Variants in CMTM7 observed in about 807,000 individuals in gnomAD.
The protein encoded by CMTM7 is CKLF-like MARVEL transmembrane domain-containing protein 7.
A neutral mutation model predicts 19.3 loss-of-function variants in CMTM7; 7 were observed. That is an observed-to-expected ratio of 0.36 (90% CI 0.21 to 0.68). CMTM7 has a LOEUF of 0.68. CMTM7 is among the 30% of genes least tolerant of loss of function. CMTM7 has a pLI of 0.60. For synonymous variants in CMTM7, 87 were observed against 99.3 expected, an observed-to-expected ratio of 0.88 and a Z score of 0.74; for missense variants, 193 against 232.6, an observed-to-expected ratio of 0.83 and a Z score of 1.11.
chr3:32,395,256 C>T (rs757716757), intron 1 of CMTM7, among the ~76,000 whole-genome samples: 1 of 152,146 alleles, frequency 6.6e-6, no homozygotes, highest in African/African-American at 2.4e-5. Flanking sequence ...CTGTCCACCT[C>T]GGCCTCCCCA....
Position 32,402,729 on chromosome 3 carries a change from G to A in CMTM7, c.159+10664G>A, listed in dbSNP as rs938384751. On this transcript the variant is annotated intron_variant, in intron 1 of 4. Transcript: ENST00000334983. ...TTACAGGCTCCCGCTACTGCGCCCG[G>A]CTAACTTTTGTATTTTTACTAGAGA... Among the ~76,000 whole-genome samples the A allele has an allele frequency of 4.6e-5, 7 of 152,120 alleles. No individual in the cohort carries two copies. In the South Asian group the frequency reaches 1.5e-3, roughly 32 times the overall value.
At chr3:32,414,024 C>A (rs1696220751) in intron 1 of CMTM7, among the ~76,000 whole-genome samples, 1 of 152,170 alleles carries the variant, frequency 6.6e-6, no homozygotes, top group Admixed American at 6.5e-5. Context: ...CTTGCTTCAA[C>A]AGAGAAAACT....
At chr3:32,429,601 A>ATTTTT (rs1336943258) in intron 1 of CMTM7, among the ~76,000 whole-genome samples, 1 of 126,684 alleles carries the variant, frequency 7.9e-6, no homozygotes, top group Non-Finnish European at 1.7e-5. Context: ...GGAGCAGTGT[A>ATTTTT]TTTTTTTTTT....
intron 1 of CMTM7, among the ~76,000 whole-genome samples, chr3:32,399,177 A>G (rs1191736790): frequency 2.6e-5 from 4 of 152,010 alleles, no homozygotes; most frequent in East Asian, 1.9e-4. Context: ...GCAAAGCATC[A>G]TATCAACTCA....
At chr3:32,403,313 C>A (rs1696037448) in intron 1 of CMTM7, among the ~76,000 whole-genome samples, 1 of 152,166 alleles carries the variant, frequency 6.6e-6, no homozygotes, top group Non-Finnish European at 1.5e-5. Context: ...TTCCTGGGCT[C>A]AAGCGATCTT....
chr3:32,441,693 C>A (rs1017577804), intron 1 of CMTM7, 147 bp from the exon 2 acceptor site: 6 of 674,400 alleles, frequency 8.9e-6, no homozygotes, highest in Admixed American at 8.2e-5. Context: ...AACCTTCCAG[C>A]CAGTGTGTAT....
intron 2 of CMTM7, among the ~76,000 whole-genome samples, chr3:32,445,879 G>A (rs1387207102): frequency 6.6e-6 from 1 of 152,080 alleles, no homozygotes; most frequent in South Asian, 2.1e-4. Context: ...TGGCCATAAT[G>A]TATAACCCAT....
intron 1 of CMTM7, among the ~76,000 whole-genome samples, chr3:32,430,680 A>AGTGTGTGTGTGTGTGTGTGTGT (rs1696503255): frequency 6.0e-5 from 2 of 33,156 alleles, no homozygotes; most frequent in South Asian, 1.2e-3. Flanking sequence ...TCTACATCTG[A>AGTGTGTGTGTGTGTGTGTGTGT]ATGTGTGTGT....
At chr3:32,418,568 A>AT (rs1448720172) in intron 1 of CMTM7, among the ~76,000 whole-genome samples, 1 of 152,150 alleles carries the variant, frequency 6.6e-6, no homozygotes, top group Admixed American at 6.5e-5. Context: ...TTTTGAATTA[A>AT]TTTTTGCATA....
intron 4 of CMTM7, among the ~76,000 whole-genome samples, chr3:32,453,081 T>G (rs1184579825): frequency 6.6e-6 from 1 of 151,772 alleles, no homozygotes; most frequent in Non-Finnish European, 1.5e-5. Flanking sequence ...AGCTTTTTCT[T>G]AAGTTTCCTA....
intron 1 of CMTM7, among the ~76,000 whole-genome samples, chr3:32,394,758 C>A (rs527985470): frequency 6.6e-6 from 1 of 151,124 alleles, no homozygotes; most frequent in African/African-American, 2.4e-5. Flanking sequence ...TGCAGTGGAA[C>A]GATCTCAGCT....
rs72857182 is a variant in CMTM7, at chr3:32,416,885, G to T, written c.159+24820G>T. Among the ~76,000 whole-genome samples, 405 of 152,254 alleles carry T rather than the reference G, an allele frequency of 2.7e-3. 1 individual carries two copies. The highest frequency in any genetic ancestry group is 9.2e-3 in the African/African-American group (382 of 41,534). ...TGAACTTTTTACAAAGTGTACTAAGGGCTGGGACCTCTGAATTTCATCTCT... is the reference window on the plus strand; with the variant it reads ...TGAACTTTTTACAAAGTGTACTAAGTGCTGGGACCTCTGAATTTCATCTCT... On this transcript the variant is annotated intron_variant, in intron 1 of 4. Transcript: ENST00000334983.
Position 32,451,990 on chromosome 3 carries a change from C to A in CMTM7, c.433-402C>A, listed in dbSNP as rs909706860. On this transcript the variant is annotated intron_variant, in intron 3 of 4. Coordinates refer to ENST00000334983, the MANE Select transcript of CMTM7 (RefSeq NM_138410.4). ...AAATGAAATGCGAACAACGCCACTA[C>A]ACCACAAATCATGGGAACGTTCAGA... 8 of 975,958 alleles carry A rather than the reference C, an allele frequency of 8.2e-6. No individual in the cohort carries two copies. In the African/African-American group the frequency reaches 1.3e-4, roughly 16 times the overall value. 60.5% of individuals were successfully genotyped at this position (975,958 alleles called of 1,614,324 possible). A position where few individuals can be genotyped will look rare whatever the true frequency, so the allele number is the denominator to read the frequency against.
At chr3:32,424,312 G>T (rs112841255) in intron 1 of CMTM7, among the ~76,000 whole-genome samples, 1 of 152,172 alleles carries the variant, frequency 6.6e-6, no homozygotes, top group East Asian at 1.9e-4. Context: ...GAAAGAACTG[G>T]TATTGTAGGC....
chr3:32,449,436 C>T lies in CMTM7; in HGVS notation c.334-18C>T. 1.9e-6 allele frequency: 3 copies of T among 1,589,640 alleles called. No homozygotes were observed. Among genetic ancestry groups the T allele is most frequent in the South Asian group, 1.1e-5 (1 of 90,518 alleles). ...ATGGACGGCCCTACCCACTTATTTG[C>T]TTTGTTTCTGCCCCCAGGAACTTCT... On this transcript the variant is annotated intron_variant, in intron 2 of 4. Coordinates refer to ENST00000334983, the MANE Select transcript of CMTM7 (RefSeq NM_138410.4). This position sits in a 1 kb window ranked among gnomAD's most constrained non-coding sequence, Gnocchi z 4.5.
rs111449913 is a variant in CMTM7 at position 32,449,951 on chromosome 3, C to T, written c.432+399C>T. Among the ~76,000 whole-genome samples, 825 of 152,314 alleles carry T rather than the reference C, an allele frequency of 5.4e-3. 5 individuals carry two copies. The highest frequency in any genetic ancestry group is 9.6e-3 in the Non-Finnish European group (650 of 68,026). On this transcript the variant is annotated intron_variant, in intron 3 of 4. Coordinates refer to ENST00000334983, the MANE Select transcript of CMTM7 (RefSeq NM_138410.4). The surrounding 1 kb of genome is among the most constrained non-coding windows in gnomAD (Gnocchi z 4.5). ...ACTGTGATCAATTAGAGATACATGC[C>T]ATGAGCCTGAGCTTTGCCATTCCTG...
At chr3:32,404,162 C>CTTTTTTTTTTTTTTTTTTTTTTT (rs5847761) in intron 1 of CMTM7, among the ~76,000 whole-genome samples, 1 of 74,670 alleles carries the variant, frequency 1.3e-5, no homozygotes, top group Non-Finnish European at 3.0e-5. Context: ...CTTTTTTTTT[C>CTTTTTTTTTTTTTTTTTTTTTTT]TTTTTTTTTT....
intron 1 of CMTM7, among the ~76,000 whole-genome samples, chr3:32,414,448 A>G (rs1696228654): frequency 6.6e-6 from 1 of 152,204 alleles, no homozygotes; most frequent in Admixed American, 6.5e-5. Flanking sequence ...CAAATTACCA[A>G]GATAATAAAT....
chr3:32,427,897 A>G (rs980674512), intron 1 of CMTM7, among the ~76,000 whole-genome samples: 17 of 152,216 alleles, frequency 1.1e-4, no homozygotes, highest in Non-Finnish European at 2.2e-4. Flanking sequence ...TAGGATAGGA[A>G]GTCTCATTAG....
Sources: allele counts gnomAD v4.1 joint callset (sites outside exome capture counted in the v4.1 genomes callset), GRCh38; gene constraint gnomAD v4.1.1; non-coding constraint Gnocchi (gnomAD v3.1); transcripts MANE v1.5; gene names NCBI Gene and HGNC (gene_info 2026-07-23, HGNC 2026-07-21).